PRDM1: variants seen among roughly 807,000 people sequenced by gnomAD.
The protein encoded by PRDM1 is PR domain zinc finger protein 1.
Under a neutral mutation model 62.8 loss-of-function variants are expected in PRDM1, and 13 were observed. The observed-to-expected ratio is 0.21, with a 90% CI of 0.13 to 0.33. PRDM1 has a LOEUF of 0.33. PRDM1 is among the 10% of genes least tolerant of loss of function. The probability of loss-of-function intolerance (pLI) is 1.00; values close to 1 mark genes in which losing one functional copy is unlikely to be tolerated. For synonymous variants in PRDM1, 396 were observed against 417.6 expected (o/e 0.95, Z 0.63); for missense variants, 895 against 1,058.8 (o/e 0.85, Z 2.15).
chr6:106,092,518 A>C (rs1020485107), intron 2 of PRDM1, among the ~76,000 whole-genome samples: 1 of 152,204 alleles, frequency 6.6e-6, no homozygotes, highest in African/African-American at 2.4e-5. Context: ...AGTTAGGTGA[A>C]CACATTCTTT....
intron 1 of PRDM1, among the ~76,000 whole-genome samples, chr6:106,066,751 TG>T (rs953701985): frequency 6.6e-6 from 1 of 152,218 alleles, no homozygotes; most frequent in Non-Finnish European, 1.5e-5. Context: ...TTTTTTCCTG[TG>T]GGTATACATA....
At chr6:106,048,731 C>T (rs1773120262) in intron 1 of PRDM1, among the ~76,000 whole-genome samples, 1 of 152,162 alleles carries the variant, frequency 6.6e-6, no homozygotes, top group Non-Finnish European at 1.5e-5. Context: ...GAAGGCTTTT[C>T]TCTTTTTCCT....
At chr6:106,003,288 A>T (rs1772449076) in intron 1 of PRDM1, among the ~76,000 whole-genome samples, 1 of 152,252 alleles carries the variant, frequency 6.6e-6, no homozygotes, top group Non-Finnish European at 1.5e-5. Context: ...CTGGCAGGTC[A>T]TCAGATACTG....
chr6:106,045,603 T>C (rs1355204195), upstream of PRDM1: 4 of 152,348 alleles, frequency 2.6e-5, no homozygotes, highest in African/African-American at 9.6e-5. Context: ...TAGTTAAATA[T>C]TTTCAGTAAA....
At chr6:106,029,113 G>C (rs1772806383) in intron 1 of PRDM1, among the ~76,000 whole-genome samples, 1 of 152,008 alleles carries the variant, frequency 6.6e-6, no homozygotes, top group East Asian at 1.9e-4. Flanking sequence ...TAGAGACGGG[G>C]TTTCATCATG....
intron 1 of PRDM1, among the ~76,000 whole-genome samples, chr6:106,001,879 T>A (rs541962305): frequency 1.1e-3 from 175 of 152,290 alleles, no homozygotes; most frequent in Non-Finnish European, 2.0e-3. Context: ...TAAAAAGTAT[T>A]TTTGAGCTAA....
At chr6:106,025,236 A>G (rs1040403177) in intron 1 of PRDM1, among the ~76,000 whole-genome samples, 6 of 152,226 alleles carry the variant, frequency 3.9e-5, no homozygotes, top group Admixed American at 3.3e-4. Flanking sequence ...AAAGGCCTAC[A>G]TGTTAAAATG....
chr6:106,105,114 C>T lies in PRDM1; in HGVS notation c.954C>T (p.Ile318=), dbSNP rs1310604024. Residue 318 remains isoleucine (I), a synonymous_variant, in exon 5 of 7, where the codon ATC becomes ATT. Coordinates refer to ENST00000369096, the MANE Select transcript of PRDM1 (RefSeq NM_001198.4). ...DFLKASLAYG[I]ERPTYITRSP... is the part of the protein sequence containing the mutation. Reference sequence around the variant, plus strand: ...TGAAAGCTTCCCTGGCCTACGGGATCGAGAGACCCACGTACATCACTCGCT... The same window carrying T: ...TGAAAGCTTCCCTGGCCTACGGGATTGAGAGACCCACGTACATCACTCGCT... The T allele has an allele frequency of 2.5e-6, 4 of 1,613,892 alleles. No individual in the cohort carries two copies. The highest frequency in any genetic ancestry group is 3.4e-6 in the Non-Finnish European group (4 of 1,180,022).
chr6:106,011,946 TCA>T (rs1351538257), intron 1 of PRDM1, among the ~76,000 whole-genome samples: 1 of 109,520 alleles, frequency 9.1e-6, no homozygotes, highest in Non-Finnish European at 1.9e-5. Context: ...CTCCACATTC[TCA>T]CACACCACAC....
At chr6:106,007,174 G>T (rs1323590176) in intron 1 of PRDM1, among the ~76,000 whole-genome samples, 4 of 151,924 alleles carry the variant, frequency 2.6e-5, no homozygotes, top group Non-Finnish European at 5.9e-5. Flanking sequence ...GCTCACACCT[G>T]TAATCCCAGC....
intron 1 of PRDM1, among the ~76,000 whole-genome samples, chr6:106,060,762 G>A (rs1357870940): frequency 6.6e-6 from 1 of 152,072 alleles, no homozygotes; most frequent in Non-Finnish European, 1.5e-5. Context: ...TGGAGGACAT[G>A]TGCTTCATGG....
In PRDM1 at chr6:106,106,220, C is replaced by T; in HGVS notation, c.1774-151C>T. ...GTGATTTTTGTGCTTTTAAGAAAAACACCATTCTGAAAACATGAAGATTTC... is the reference window on the plus strand; with the variant it reads ...GTGATTTTTGTGCTTTTAAGAAAAATACCATTCTGAAAACATGAAGATTTC... On this transcript the variant is annotated intron_variant, in intron 5 of 6. Coordinates refer to ENST00000369096, the MANE Select transcript of PRDM1 (RefSeq NM_001198.4). The surrounding 1 kb of genome is among the most constrained non-coding windows in gnomAD (Gnocchi z 4.4). 7.7e-7 allele frequency: 1 copy of T among 1,302,042 alleles called. No individual in the cohort carries two copies. The highest frequency in any genetic ancestry group is 1.0e-6 in the Non-Finnish European group (1 of 954,160). 80.7% of individuals were successfully genotyped at this position (1,302,042 alleles called of 1,614,324 possible).
intron 1 of PRDM1, among the ~76,000 whole-genome samples, chr6:106,077,343 A>T (rs1011311115): frequency 2.6e-5 from 4 of 152,222 alleles, no homozygotes; most frequent in African/African-American, 9.6e-5. Flanking sequence ...CCTGGTAGGT[A>T]GAAGACCACA....
At chr6:106,098,674 A>T (rs1177572575) in intron 3 of PRDM1, 57 of 1,355,496 alleles carry the variant, frequency 4.2e-5, no homozygotes, top group Non-Finnish European at 5.5e-5. Context: ...TCGCTTTGTT[A>T]TGGCAGGTGA....
rs1370836172 is a variant in PRDM1 at position 106,109,075 on chromosome 6, C to T, written c.*1589C>T. ...TTGTGAGCCAAGCCATGTAAAAGATCTACTTTTTCTAAGGGCAAAAAAAAA... is the reference window on the plus strand; with the variant it reads ...TTGTGAGCCAAGCCATGTAAAAGATTTACTTTTTCTAAGGGCAAAAAAAAA... On this transcript the variant is annotated 3_prime_UTR_variant, in exon 7 of 7. Coordinates refer to ENST00000369096, the MANE Select transcript of PRDM1 (RefSeq NM_001198.4). 1 of 147,164 alleles carries T rather than the reference C, an allele frequency of 6.8e-6. No homozygotes were observed. The highest frequency in any genetic ancestry group is 9.5e-5 in the Admixed American group (1 of 10,538). The allele number at this position is 147,164 out of a possible 1,614,324, so 9.1% of individuals were successfully genotyped here.
At chr6:106,014,294 A>G (rs1002485016) in intron 1 of PRDM1, among the ~76,000 whole-genome samples, 1 of 151,912 alleles carries the variant, frequency 6.6e-6, no homozygotes, top group Non-Finnish European at 1.5e-5. Flanking sequence ...TTCTGGGCTC[A>G]AGTAATCCGC....
At chr6:106,058,945 C>A (rs926686178) in intron 1 of PRDM1, among the ~76,000 whole-genome samples, 9 of 152,126 alleles carry the variant, frequency 5.9e-5, no homozygotes, top group African/African-American at 2.2e-4. Flanking sequence ...AAAGATCACT[C>A]GATGAACCAA....
intron 1 of PRDM1, among the ~76,000 whole-genome samples, chr6:106,000,201 A>G (rs1157458784): frequency 2.6e-5 from 4 of 152,196 alleles, no homozygotes; most frequent in African/African-American, 9.6e-5. Flanking sequence ...TTATAAACCA[A>G]CACCTATCTC....
chr6:106,106,849 A>T lies in PRDM1; in HGVS notation c.1903-62A>T. 6.6e-7 allele frequency: 1 copy of T among 1,507,404 alleles called. No homozygotes were observed. The allele number at this position is 1,507,404 out of a possible 1,614,324, so 93.4% of individuals were successfully genotyped here. A position where few individuals can be genotyped will look rare whatever the true frequency, so the allele number is the denominator to read the frequency against. ...CGGTAAGCCTGCCCCTCCCGTTGGCAACTCTTAATCTTCTGGCCTTCCTGT... is the reference window on the plus strand; with the variant it reads ...CGGTAAGCCTGCCCCTCCCGTTGGCTACTCTTAATCTTCTGGCCTTCCTGT... On this transcript the variant is annotated intron_variant, in intron 6 of 6. Transcript: ENST00000369096. This position sits in a 1 kb window ranked among gnomAD's most constrained non-coding sequence, Gnocchi z 4.4.
Sources: gnomAD v4.1 joint callset for allele counts (sites outside exome capture counted in the v4.1 genomes callset) on GRCh38, gnomAD v4.1.1 for gene constraint, Gnocchi (gnomAD v3.1) non-coding constraint, MANE v1.5 for transcripts, NCBI Gene and HGNC (gene_info 2026-07-23, HGNC 2026-07-21) for gene names.